TMTC1: variants seen among roughly 807,000 people sequenced by gnomAD.
The protein encoded by TMTC1 is protein O-mannosyl-transferase TMTC1.
TMTC1 carries 73 observed loss-of-function variants against 104.8 expected under a neutral mutation model. The observed-to-expected ratio is 0.70, with a 90% CI of 0.58 to 0.85. The LOEUF is 0.85. Among genes scored for constraint, TMTC1 ranks in the 40% least tolerant of loss-of-function variants. The probability of loss-of-function intolerance (pLI) is 0.00; values close to 1 mark genes in which losing one functional copy is unlikely to be tolerated. For synonymous variants in TMTC1, 434 were observed against 428.7 expected, an observed-to-expected ratio of 1.01 and a Z score of -0.15; for missense variants, 1,035 against 1,096.1, an observed-to-expected ratio of 0.94 and a Z score of 0.79.
intron 17 of TMTC1, among the ~76,000 whole-genome samples, chr12:29,507,393 A>C (rs1446234185): frequency 6.6e-6 from 1 of 152,214 alleles, no homozygotes; most frequent in East Asian, 1.9e-4. Flanking sequence ...AAATGTTTTT[A>C]AAACTGCAAG....
chr12:29,707,033 G>A (rs1302566620), intron 5 of TMTC1, among the ~76,000 whole-genome samples: 1 of 152,182 alleles, frequency 6.6e-6, no homozygotes. Context: ...AATGGGTCTG[G>A]CCTGGAGCCC....
At chr12:29,660,745 G>T in intron 5 of TMTC1, 1 of 598,216 alleles carries the variant, frequency 1.7e-6, no homozygotes, top group Non-Finnish European at 2.4e-6. Context: ...CTGAGATAGA[G>T]TGGAAACATT....
chr12:29,650,087 C>CTT lies in TMTC1; in HGVS notation c.939-16753_939-16752dup, dbSNP rs561950425. Among the ~76,000 whole-genome samples the CTT allele has an allele frequency of 6.3e-3, 903 of 142,690 alleles. 12 individuals carry two copies. The highest frequency in any genetic ancestry group is 0.022 in the African/African-American group (873 of 39,064). The allele number at this position is 142,690 out of a possible 152,430, so 93.6% of individuals were successfully genotyped here. A position where few individuals can be genotyped will look rare whatever the true frequency, so the allele number is the denominator to read the frequency against. ...ACTTTCTCTTTTTTTCTTTTCTTTT[C>CTT]TTTTTTTTTTTTTCTTTGAGGAGTC... On this transcript the variant is annotated intron_variant, in intron 5 of 17. Coordinates refer to ENST00000539277, the MANE Select transcript of TMTC1 (RefSeq NM_001193451.2).
intron 5 of TMTC1, among the ~76,000 whole-genome samples, chr12:29,739,506 C>T (rs141381284): frequency 6.6e-5 from 10 of 152,212 alleles, no homozygotes; most frequent in Admixed American, 5.2e-4. Context: ...CACTTGCCAT[C>T]CTCAGTGAAA....
In TMTC1 at chr12:29,556,883, A is replaced by C; in HGVS notation, c.1650T>G (p.Ala550=). 1 of 1,614,166 alleles carries C rather than the reference A, an allele frequency of 6.2e-7. No individual in the cohort carries two copies. Among genetic ancestry groups the C allele is most frequent in the Non-Finnish European group, 8.5e-7 (1 of 1,180,016 alleles). Reference sequence around the variant, plus strand: ...TGAGGAGATTCCCCAGATTGAAAAGAGCCCGGTTATGCTGTGGATGGAGCT... The same window carrying C: ...TGAGGAGATTCCCCAGATTGAAAAGCGCCCGGTTATGCTGTGGATGGAGCT... ...ALQLHPQHNR[A]LFNLGNLLKS... The change falls in exon 10 of 18, where the codon GCT becomes GCG. Residue 550 remains alanine, a synonymous_variant. Coordinates refer to ENST00000539277, the MANE Select transcript of TMTC1 (RefSeq NM_001193451.2).
chr12:29,684,044 A>C (rs577280866), intron 5 of TMTC1, among the ~76,000 whole-genome samples: 2 of 152,100 alleles, frequency 1.3e-5, no homozygotes, highest in Admixed American at 6.6e-5. Flanking sequence ...GGGTTTCGCC[A>C]TTTTGGCCAG....
intron 5 of TMTC1, chr12:29,660,877 C>G: frequency 2.0e-6 from 3 of 1,499,736 alleles, no homozygotes; most frequent in South Asian, 1.3e-5. Flanking sequence ...GCTGCTTGCT[C>G]TCAGATACCT....
intron 7 of TMTC1, among the ~76,000 whole-genome samples, chr12:29,600,665 G>A (rs186221987): frequency 6.6e-6 from 1 of 152,252 alleles, no homozygotes; most frequent in East Asian, 1.9e-4. Context: ...TCTCAAATGA[G>A]GTCAGGACTG....
At chr12:29,511,980 AAGAC>A in intron 17 of TMTC1, 59 bp downstream of exon 17, 2 of 1,425,478 alleles carry the variant, frequency 1.4e-6, no homozygotes, top group Non-Finnish European at 2.0e-6. Flanking sequence ...TTTAAGAAAG[AAGAC>A]AGAGAGAGAA....
chr12:29,697,769 G>A (rs561869165), intron 5 of TMTC1, among the ~76,000 whole-genome samples: 3 of 152,154 alleles, frequency 2.0e-5, no homozygotes, highest in African/African-American at 7.2e-5. Flanking sequence ...TCTCAGGGGA[G>A]GCCAGTCTTT....
intron 5 of TMTC1, among the ~76,000 whole-genome samples, chr12:29,688,619 C>G (rs1186570943): frequency 1.3e-5 from 2 of 152,182 alleles, no homozygotes; most frequent in Non-Finnish European, 2.9e-5. Context: ...TGGGGCTGCC[C>G]AAAGTCTAAT....
intron 8 of TMTC1, among the ~76,000 whole-genome samples, chr12:29,577,768 T>C (rs541621850): frequency 2.6e-5 from 4 of 152,308 alleles, no homozygotes; most frequent in South Asian, 4.1e-4. Context: ...GATACCTTTA[T>C]GGTTTATAAA....
intron 2 of TMTC1, 82 bp from the exon 3 acceptor site, chr12:29,758,859 A>G (rs1383854758): frequency 8.2e-7 from 1 of 1,216,914 alleles, no homozygotes; most frequent in East Asian, 2.6e-5. Context: ...ACAGAAATGT[A>G]TTTGTTGTTA....
At chr12:29,598,817 T>C (rs1409693970) in intron 7 of TMTC1, among the ~76,000 whole-genome samples, 1 of 152,068 alleles carries the variant, frequency 6.6e-6, no homozygotes, top group Non-Finnish European at 1.5e-5. Context: ...ATTAGTTCTG[T>C]TTTTCAGTGG....
At chr12:29,721,491 A>G (rs1942236239) in intron 5 of TMTC1, among the ~76,000 whole-genome samples, 1 of 152,180 alleles carries the variant, frequency 6.6e-6, no homozygotes, top group Non-Finnish European at 1.5e-5. Flanking sequence ...ATCACCAAAA[A>G]GATATTATAT....
Position 29,511,911 on chromosome 12 carries a change from G to T in TMTC1, c.2508+132C>A. The T allele has an allele frequency of 5.6e-6, 5 of 893,032 alleles. No individual in the cohort carries two copies. In the Admixed American group the frequency reaches 6.9e-5, roughly 12 times the overall value. The allele number at this position is 893,032 out of a possible 1,614,324, so 55.3% of individuals were successfully genotyped here. A position where few individuals can be genotyped will look rare whatever the true frequency, so the allele number is the denominator to read the frequency against. On this transcript the variant is annotated intron_variant, in intron 17 of 17. Coordinates refer to ENST00000539277, the MANE Select transcript of TMTC1 (RefSeq NM_001193451.2). ...AACTGAGCTATTTCACTTTTAAACTGCCATACTTTTGATATTCAAATGATT... is the reference window on the plus strand; with the variant it reads ...AACTGAGCTATTTCACTTTTAAACTTCCATACTTTTGATATTCAAATGATT...
intron 5 of TMTC1, among the ~76,000 whole-genome samples, chr12:29,654,390 C>G (rs984185032): frequency 2.6e-5 from 4 of 151,992 alleles, no homozygotes; most frequent in Non-Finnish European, 5.9e-5. Flanking sequence ...ACATCAAAAC[C>G]ACAATAACAT....
At chr12:29,750,750 C>A (rs1943070250) in intron 5 of TMTC1, among the ~76,000 whole-genome samples, 1 of 152,234 alleles carries the variant, frequency 6.6e-6, no homozygotes, top group Non-Finnish European at 1.5e-5. Context: ...TAAGGTGACT[C>A]TGGCACCCTG....
chr12:29,594,196 A>G (rs1459771319), intron 7 of TMTC1, among the ~76,000 whole-genome samples: 2 of 152,232 alleles, frequency 1.3e-5, no homozygotes, highest in Admixed American at 6.5e-5. Context: ...CCTCCAAAAA[A>G]TTAGGAAAAC....
Sources: gnomAD v4.1 joint callset for allele counts (sites outside exome capture counted in the v4.1 genomes callset) on GRCh38, gnomAD v4.1.1 for gene constraint, MANE v1.5 for transcripts, NCBI Gene and HGNC (gene_info 2026-07-23, HGNC 2026-07-21) for gene names.